Variants in CABIN1 observed in about 807,000 individuals in gnomAD.
CABIN1 encodes calcineurin binding protein 1, also known as calcineurin-binding protein cabin-1.
Under a neutral mutation model 227.7 loss-of-function variants are expected in CABIN1, and 133 were observed. The observed-to-expected ratio is 0.58, with a 90% confidence interval of 0.51 to 0.67. The LOEUF is 0.67. Among genes scored for constraint, CABIN1 ranks in the 30% least tolerant of loss-of-function variants. The pLI is 0.00. For synonymous variants in CABIN1, 1,086 were observed against 1,155.1 expected (o/e 0.94, Z 1.21); for missense variants, 2,408 against 2,852.5 (o/e 0.84, Z 3.55).
At chr22:24,060,952 C>T (rs886946913) in intron 12 of CABIN1, among the ~76,000 whole-genome samples, 2 of 152,050 alleles carry the variant, frequency 1.3e-5, no homozygotes, top group Admixed American at 6.5e-5. Flanking sequence ...CCTTTTGTTA[C>T]GATGTTAGGA....
intron 31 of CABIN1, among the ~76,000 whole-genome samples, chr22:24,165,971 G>A (rs757675711): frequency 7.9e-5 from 12 of 152,202 alleles, no homozygotes; most frequent in South Asian, 2.1e-4. Flanking sequence ...TGTGTGCATC[G>A]TCCCTTTTCA....
At chr22:24,059,127 C>G in intron 10 of CABIN1, 100 bp from the exon 11 acceptor site, 1 of 1,512,160 alleles carries the variant, frequency 6.6e-7, no homozygotes, top group Non-Finnish European at 9.1e-7. Context: ...TTTTAGCTGC[C>G]TTCTTCCTGA....
At chr22:24,138,418 T>C (rs1426621308) in intron 29 of CABIN1, among the ~76,000 whole-genome samples, 2 of 152,044 alleles carry the variant, frequency 1.3e-5, no homozygotes, top group Non-Finnish European at 2.9e-5. Flanking sequence ...TTGCCCAGGC[T>C]CAATTTCAAC....
intron 10 of CABIN1, among the ~76,000 whole-genome samples, chr22:24,057,638 T>C (rs2146323382): frequency 6.6e-6 from 1 of 152,310 alleles, no homozygotes; most frequent in South Asian, 2.1e-4. Context: ...ATCAAAGTGG[T>C]GAAGGAGAAG....
chr22:24,012,291 A>C (rs1351122185), intron 1 of CABIN1, among the ~76,000 whole-genome samples: 3 of 152,226 alleles, frequency 2.0e-5, no homozygotes, highest in African/African-American at 7.2e-5. Context: ...TTAATTTTAT[A>C]TATTGTTAAT....
Position 24,067,115 on chromosome 22 carries a change from C to A in CABIN1, c.2166C>A (p.Asp722Glu). 6.2e-7 allele frequency: 1 copy of A among 1,614,216 alleles called. No homozygotes were observed. Among genetic ancestry groups the A allele is most frequent in the Non-Finnish European group, 8.5e-7 (1 of 1,180,030 alleles). ...CCACTTTGTGCACCAGTGGGTTTGA[C>A]CGGGCCAAACACCTGGAGTTTATGA... is the stretch of plus-strand genomic sequence containing the variant. ...LRPTLCTSGF[D>E]RAKHLEFMTS... Residue 722 changes from aspartate to glutamate, a missense_variant, in exon 16 of 37, where the codon GAC (aspartate) becomes GAA (glutamate). Coordinates refer to ENST00000263119, the MANE Select transcript of CABIN1 (RefSeq NM_012295.4).
At chr22:24,044,980 T>C (rs2037732254) in intron 6 of CABIN1, among the ~76,000 whole-genome samples, 1 of 151,006 alleles carries the variant, frequency 6.6e-6, no homozygotes, top group South Asian at 2.1e-4. Context: ...AGTGCAGTGG[T>C]GCGATCTCGG....
At chr22:24,122,402 C>T (rs1320714327) in intron 28 of CABIN1, among the ~76,000 whole-genome samples, 1 of 152,114 alleles carries the variant, frequency 6.6e-6, no homozygotes, top group Non-Finnish European at 1.5e-5. Context: ...AGCCAAAAAT[C>T]TGAAATCCAA....
chr22:24,118,914 A>T lies in CABIN1; in HGVS notation c.4301-453A>T, dbSNP rs564373237. Among the ~76,000 whole-genome samples the T allele has an allele frequency of 2.6e-5, 4 of 152,230 alleles. No homozygotes were observed. The South Asian group carries it at 8.3e-4, about 32-fold the overall frequency. ...ATAGCAGCGGCAACCCTGGAGAGGGAGTTGGGGCAGGCAGTGGGCTGAGCA... is the reference window on the plus strand; with the variant it reads ...ATAGCAGCGGCAACCCTGGAGAGGGTGTTGGGGCAGGCAGTGGGCTGAGCA... On this transcript the variant is annotated intron_variant, in intron 27 of 36. Transcript: ENST00000263119.
intron 18 of CABIN1, 44 bp from the exon 19 acceptor site, chr22:24,076,125 G>C: frequency 6.7e-7 from 1 of 1,492,584 alleles, no homozygotes; most frequent in Non-Finnish European, 9.3e-7. Context: ...AGGCACGCAG[G>C]TTCCCACACT....
rs117023201 is a variant in CABIN1 at position 24,023,663 on chromosome 22, G to T, written c.-74-11781G>T. ...CTGGATGACTAATTTACAATTCCCT[G>T]ATAAGCATCTTATGCACTTACAGGT... On this transcript the variant is annotated intron_variant, in intron 1 of 36. Transcript: ENST00000263119. Among the ~76,000 whole-genome samples, 498 of 151,856 alleles carry T rather than the reference G, an allele frequency of 3.3e-3. 16 individuals are homozygous for T. In the East Asian group the frequency reaches 0.076, roughly 23 times the overall value.
chr22:24,115,929 C>T (rs1321548488), intron 27 of CABIN1, among the ~76,000 whole-genome samples: 2 of 152,236 alleles, frequency 1.3e-5, no homozygotes, highest in Admixed American at 6.5e-5. Flanking sequence ...AGGTCCAGAT[C>T]TGCACCATGC....
chr22:24,082,358 G>A (rs142284394), intron 19 of CABIN1, among the ~76,000 whole-genome samples: 3 of 152,186 alleles, frequency 2.0e-5, no homozygotes, highest in African/African-American at 4.8e-5. Context: ...CCAAAGTGCT[G>A]GAATTACAGG....
intron 1 of CABIN1, among the ~76,000 whole-genome samples, chr22:24,023,920 A>G (rs2035901998): frequency 6.6e-6 from 1 of 151,894 alleles, no homozygotes; most frequent in Admixed American, 6.6e-5. Context: ...TTTAGTAGAG[A>G]TGGGGTTTCA....
In CABIN1 at chr22:24,113,634, C is replaced by G; in HGVS notation, c.4186C>G (p.Pro1396Ala). ...CTCAACGCAGGACTTCTTTAATGAG[C>G]CCACCAGCTTACTGGAAGGCTCCAG... ...SSSTQDFFNE[P>A]TSLLEGSRKS... Residue 1396 changes from proline (P) to alanine (A), a missense_variant, in exon 27 of 37, where the codon CCC (proline) becomes GCC (alanine). This residue lies in a region of CABIN1 where 649 missense variants were observed against 910.3 expected (regional missense o/e 0.71). Coordinates refer to ENST00000263119, the MANE Select transcript of CABIN1 (RefSeq NM_012295.4). 6.2e-7 allele frequency: 1 copy of G among 1,614,150 alleles called. No homozygotes were observed. Among genetic ancestry groups the G allele is most frequent in the Non-Finnish European group, 8.5e-7 (1 of 1,180,022 alleles).
At position 24,085,002 on chromosome 22, in the gene CABIN1, C is replaced by T. The variant is rs778338158; in HGVS notation, c.3118-4C>T. The T allele has an allele frequency of 6.2e-7, 1 of 1,614,242 alleles. No homozygotes were observed. Among genetic ancestry groups the T allele is most frequent in the Non-Finnish European group, 8.5e-7 (1 of 1,180,032 alleles). On this transcript the variant is annotated splice_polypyrimidine_tract_variant and splice_region_variant and intron_variant, in intron 21 of 36. Transcript: ENST00000263119. ...CCCCTCATACTTTTCCTCTCACCTG[C>T]CAGGTACCCTGCCTCCCAGAGGGGG...
rs774763625 is a variant in CABIN1, at chr22:24,176,270, G to A, written c.6200G>A (p.Ser2067Asn). The change falls in exon 35 of 37, where the codon AGC becomes AAC. Residue 2067 changes from serine (S) to asparagine (N), a missense_variant. Physicochemically the swap from Ser to Asn is conservative, Grantham distance 46. Transcript: ENST00000263119. ...GGCACAGGCGCTGAGCCCACCTGCA[G>A]CCAGGGTAAGGCGAGTTGGGAGCAG... ...ALGTGAEPTC[S>N]QEGKLRPEPR... 2.5e-6 allele frequency: 4 copies of A among 1,599,922 alleles called. No homozygotes were observed. The South Asian group carries it at 3.4e-5, about 13-fold the overall frequency.
chr22:24,151,753 C>G (rs2045497660), intron 29 of CABIN1, among the ~76,000 whole-genome samples: 1 of 152,198 alleles, frequency 6.6e-6, no homozygotes, highest in Non-Finnish European at 1.5e-5. Flanking sequence ...CAACCCCTCT[C>G]TCTCCACAAA....
At chr22:24,028,951 G>A (rs1440299633) in intron 1 of CABIN1, among the ~76,000 whole-genome samples, 1 of 152,044 alleles carries the variant, frequency 6.6e-6, no homozygotes, top group South Asian at 2.1e-4. Flanking sequence ...CATGTAGAGG[G>A]GACATTTAGA....
Sources: gnomAD v4.1 joint callset for allele counts (sites outside exome capture counted in the v4.1 genomes callset) on GRCh38, gnomAD v4.1.1 for gene constraint, gnomAD v4.1.1 regional missense constraint, MANE v1.5 for transcripts, NCBI Gene and HGNC (gene_info 2026-07-23, HGNC 2026-07-21) for gene names.